Variants in COL24A1 observed in about 807,000 individuals in gnomAD.
The protein encoded by COL24A1 is collagen alpha-1(XXIV) chain.
A neutral mutation model predicts 253.9 loss-of-function variants in COL24A1; 224 were observed. That is an observed-to-expected ratio of 0.88 (90% CI 0.79 to 0.99). The LOEUF (loss-of-function observed/expected upper bound fraction) is 0.99. Ranked by LOEUF, COL24A1 falls within the 50% of genes least tolerant of loss-of-function variation. The pLI, the probability that COL24A1 is intolerant of heterozygous loss-of-function variation, is 0.00. For synonymous variants in COL24A1, 685 were observed against 673.7 expected (o/e 1.02, Z -0.26); for missense variants, 2,131 against 2,068.5 (o/e 1.03, Z -0.59).
intron 24 of COL24A1, among the ~76,000 whole-genome samples, chr1:85,926,044 A>G (rs577523728): frequency 6.6e-6 from 1 of 152,386 alleles, no homozygotes; most frequent in African/African-American, 2.4e-5. Context: ...AAAAGAAGAC[A>G]TTTATGCAGC....
chr1:85,776,109 C>G (rs1012722617), intron 52 of COL24A1, among the ~76,000 whole-genome samples: 18 of 152,098 alleles, frequency 1.2e-4, no homozygotes, highest in African/African-American at 3.4e-4. Flanking sequence ...GGTTTCCCTT[C>G]TCTTTCTTGC....
At chr1:86,061,699 C>T (rs1056989115) in intron 8 of COL24A1, among the ~76,000 whole-genome samples, 4 of 152,020 alleles carry the variant, frequency 2.6e-5, no homozygotes, top group Non-Finnish European at 5.9e-5. Context: ...CAACCACACC[C>T]TAGAATCACT....
intron 5 of COL24A1, among the ~76,000 whole-genome samples, chr1:86,111,533 A>ATCAGCGCTCTGTAAAACAGACCAG (rs1427930932): frequency 2.7e-5 from 3 of 112,390 alleles, no homozygotes; most frequent in Admixed American, 1.9e-4. Context: ...AAACAGAGCG[A>ATCAGCGCTCTGTAAAACAGACCAG]TCAGCTCTCT....
intron 3 of COL24A1, among the ~76,000 whole-genome samples, chr1:86,124,284 C>A (rs1021471710): frequency 6.6e-6 from 1 of 151,838 alleles, no homozygotes; most frequent in Non-Finnish European, 1.5e-5. Flanking sequence ...GCAAGGGGAG[C>A]TTTAATTAAC....
chr1:85,776,000 C>A (rs1570565161), intron 52 of COL24A1, among the ~76,000 whole-genome samples: 1 of 152,238 alleles, frequency 6.6e-6, no homozygotes, highest in Non-Finnish European at 1.5e-5. Context: ...GCTTATCTGA[C>A]AATCATATAC....
chr1:85,806,023 C>T (rs570155338), intron 47 of COL24A1, among the ~76,000 whole-genome samples: 4 of 143,836 alleles, frequency 2.8e-5, no homozygotes, highest in Non-Finnish European at 6.0e-5. Context: ...TTGCAGTGAG[C>T]GGAGATCGCG....
intron 24 of COL24A1, among the ~76,000 whole-genome samples, chr1:85,952,664 T>C (rs1690046260): frequency 2.6e-5 from 4 of 152,334 alleles, no homozygotes; most frequent in Admixed American, 1.3e-4. Flanking sequence ...CAGCTGTCTG[T>C]TTTTGTAAAT....
chr1:86,060,809 G>C (rs1035389387), intron 8 of COL24A1, among the ~76,000 whole-genome samples: 3 of 151,932 alleles, frequency 2.0e-5, no homozygotes, highest in Admixed American at 2.0e-4. Context: ...AGAAATTCTT[G>C]TCTATATGTA....
chr1:85,784,469 A>G (rs1017988614), intron 48 of COL24A1, 103 bp from the exon 49 acceptor site: 1 of 761,324 alleles, frequency 1.3e-6, no homozygotes. Flanking sequence ...CCCATTCCAT[A>G]AATACAAGGC....
At chr1:86,007,229 CAAA>C (rs1696056535) in intron 19 of COL24A1, among the ~76,000 whole-genome samples, 8 of 151,926 alleles carry the variant, frequency 5.3e-5, no homozygotes, top group Non-Finnish European at 7.4e-5. Context: ...AACAAACAAA[CAAA>C]CAAACCCACC....
At chr1:85,988,388 A>T (rs1256548016) in intron 19 of COL24A1, among the ~76,000 whole-genome samples, 1 of 152,068 alleles carries the variant, frequency 6.6e-6, no homozygotes, top group Non-Finnish European at 1.5e-5. Context: ...AAAAAGAAAT[A>T]GAAATGGATC....
At position 85,849,357 on chromosome 1, in the gene COL24A1, T is replaced by C. The variant is rs766699426; in HGVS notation, c.3350A>G (p.Lys1117Arg). 2.5e-6 allele frequency: 4 copies of C among 1,612,828 alleles called. 1 individual carries two copies. The South Asian group carries it at 4.4e-5, about 18-fold the overall frequency. Residue 1117 changes from lysine (K) to arginine (R), a missense_variant, in exon 38 of 60, where the codon AAA becomes AGA. Coordinates refer to ENST00000370571, the MANE Select transcript of COL24A1 (RefSeq NM_152890.7). ...TAAGAAGATGTAAAAAATTACCTTT[T>C]TTCCTGGACGACCTCTTTGCCCTGG... is the stretch of plus-strand genomic sequence containing the variant. Reference protein sequence around the residue: ...GIPGQRGRPGKKGDKGQIGPT... With the variant: ...GIPGQRGRPGRKGDKGQIGPT...
chr1:85,875,339 G>T lies in COL24A1; in HGVS notation c.3031-9C>A. Reference sequence around the variant, plus strand: ...TCAGTGCCTGGAGGTCCCTACAAGAGAATAATTTAACACATTACAAAGGCA... The same window carrying T: ...TCAGTGCCTGGAGGTCCCTACAAGATAATAATTTAACACATTACAAAGGCA... On this transcript the variant is annotated splice_polypyrimidine_tract_variant and intron_variant, in intron 33 of 59. Transcript: ENST00000370571. The T allele has an allele frequency of 6.2e-7, 1 of 1,612,218 alleles. No homozygotes were observed. Among genetic ancestry groups the T allele is most frequent in the South Asian group, 1.1e-5 (1 of 91,042 alleles).
intron 2 of COL24A1, among the ~76,000 whole-genome samples, chr1:86,133,432 G>T (rs1055740178): frequency 2.3e-4 from 35 of 152,170 alleles, no homozygotes; most frequent in Admixed American, 1.1e-3. Context: ...CTTGTGCCAG[G>T]TTTCAAAGGG....
chr1:86,063,359 CTGTG>C (rs372205588), intron 8 of COL24A1, among the ~76,000 whole-genome samples: 3 of 117,506 alleles, frequency 2.6e-5, no homozygotes, highest in Non-Finnish European at 5.6e-5. Flanking sequence ...GTCTCTCTCT[CTGTG>C]TGTGTGTGTG....
chr1:85,833,773 A>T (rs11161685), intron 43 of COL24A1, among the ~76,000 whole-genome samples: 2 of 151,916 alleles, frequency 1.3e-5, no homozygotes, highest in African/African-American at 4.8e-5. Context: ...ACAATATGGA[A>T]TACTATGCAG....
chr1:86,016,114 G>A (rs1696970743), intron 19 of COL24A1, among the ~76,000 whole-genome samples: 1 of 151,618 alleles, frequency 6.6e-6, no homozygotes, highest in Non-Finnish European at 1.5e-5. Context: ...GACTCAAGGC[G>A]ATCCTCTCAC....
intron 5 of COL24A1, among the ~76,000 whole-genome samples, chr1:86,094,567 C>G (rs1053891696): frequency 2.0e-4 from 30 of 151,904 alleles, no homozygotes; most frequent in Admixed American, 2.6e-4. Context: ...TACAAGAAAC[C>G]CCTAATGACA....
chr1:86,041,596 T>C (rs1272468208), intron 12 of COL24A1, among the ~76,000 whole-genome samples: 1 of 152,054 alleles, frequency 6.6e-6, no homozygotes, highest in Non-Finnish European at 1.5e-5. Flanking sequence ...CTACTTGGAG[T>C]GAGGTATAAG....
Sources: allele counts gnomAD v4.1 joint callset (sites outside exome capture counted in the v4.1 genomes callset), GRCh38; gene constraint gnomAD v4.1.1; transcripts MANE v1.5; gene names NCBI Gene and HGNC (gene_info 2026-07-23, HGNC 2026-07-21).